OTULIN: variants seen among roughly 807,000 people sequenced by gnomAD.
OTULIN encodes OTU deubiquitinase with linear linkage specificity.
A neutral mutation model predicts 39.6 loss-of-function variants in OTULIN; 15 were observed. The observed-to-expected ratio is 0.38, with a 90% CI of 0.25 to 0.58. The LOEUF (loss-of-function observed/expected upper bound fraction) is 0.58, where lower values mean the gene tolerates loss of function less well. Among genes scored for constraint, OTULIN ranks in the 20% least tolerant of loss-of-function variants. The pLI is 0.66. For missense variants in OTULIN, 319 were observed against 445.9 expected (o/e 0.72, Z 2.56); for synonymous variants, 156 against 170.3 (o/e 0.92, Z 0.65).
intron 1 of OTULIN, among the ~76,000 whole-genome samples, chr5:14,666,978 G>A (rs1735864934): frequency 2.0e-5 from 3 of 152,208 alleles, no homozygotes; most frequent in Admixed American, 2.0e-4. Context: ...TTTAAATAGT[G>A]TAATGTGCAT....
Position 14,684,871 on chromosome 5 carries a change from C to T in OTULIN, c.469-2650C>T, listed in dbSNP as rs75858293. ...AGCTTTGCTGGCCTTGCTCTGTTCC[C>T]TGCCTGTGAGGCAGAGCTTTGTCCT... On this transcript the variant is annotated intron_variant, in intron 4 of 6. Coordinates refer to ENST00000284274, the MANE Select transcript of OTULIN (RefSeq NM_138348.6). 7.9e-5 allele frequency among the ~76,000 whole-genome samples: 12 copies of T among 152,352 alleles called. No homozygotes were observed. In the East Asian group the frequency reaches 2.3e-3, roughly 29 times the overall value.
chr5:14,710,953 G>A, the OTULIN span: 343 of 492,802 alleles, frequency 7.0e-4, 3 homozygotes, highest in African/African-American at 6.0e-3. Flanking sequence ...TGAGGCAGGG[G>A]TATGAAGTCA....
At chr5:14,669,348 A>G (rs1033407218) in intron 1 of OTULIN, among the ~76,000 whole-genome samples, 1 of 150,756 alleles carries the variant, frequency 6.6e-6, no homozygotes, top group Non-Finnish European at 1.5e-5. Flanking sequence ...CTATGCAATA[A>G]GAGCGAAACT....
chr5:14,684,637 T>G (rs1221989893), intron 4 of OTULIN, among the ~76,000 whole-genome samples: 8 of 152,188 alleles, frequency 5.3e-5, no homozygotes, highest in Non-Finnish European at 1.2e-4. Flanking sequence ...GTGACTGAAA[T>G]AAATCAGGGG....
rs567373954 is a variant in OTULIN, at chr5:14,679,942, G to A, written c.324+1167G>A. On this transcript the variant is annotated intron_variant, in intron 3 of 6. Coordinates refer to ENST00000284274, the MANE Select transcript of OTULIN (RefSeq NM_138348.6). ...TCACTTGCAGATTTTCCAACCTCTA[G>A]CCCATCAGGACCCATGGCAGTAATT... Among the ~76,000 whole-genome samples, 10 of 152,216 alleles carry A rather than the reference G, an allele frequency of 6.6e-5. No individual in the cohort carries two copies. In the South Asian group the frequency reaches 1.7e-3, roughly 25 times the overall value.
the OTULIN span, chr5:14,709,218 G>T: frequency 6.6e-6 from 1 of 152,114 alleles, no homozygotes; most frequent in Non-Finnish European, 1.5e-5. Flanking sequence ...GGATCTTTAA[G>T]CTCCAACCCC....
intron 2 of OTULIN, among the ~76,000 whole-genome samples, chr5:14,675,731 T>A (rs1246063264): frequency 6.6e-6 from 1 of 152,238 alleles, no homozygotes; most frequent in Admixed American, 6.5e-5. Flanking sequence ...CCCTTTACAC[T>A]TCTCACATCA....
In OTULIN at chr5:14,693,145, T is replaced by G; in HGVS notation, c.*97T>G. On this transcript the variant is annotated 3_prime_UTR_variant, in exon 7 of 7. Transcript: ENST00000284274. ...TTTGGGGGTCTCTAAGAACAATCTC[T>G]GAGAAGAACCCTTGGGCCCCTGGGA... 14 of 1,219,608 alleles carry G rather than the reference T, an allele frequency of 1.1e-5. No homozygotes were observed. Among genetic ancestry groups the G allele is most frequent in the South Asian group, 4.7e-5 (3 of 64,478 alleles). The allele number at this position is 1,219,608 out of a possible 1,614,324, so 75.5% of individuals were successfully genotyped here. A position where few individuals can be genotyped will look rare whatever the true frequency, so the allele number is the denominator to read the frequency against.
chr5:14,687,389 A>T, intron 4 of OTULIN, 132 bp from the exon 5 acceptor site: 1 of 1,096,384 alleles, frequency 9.1e-7, no homozygotes, highest in Non-Finnish European at 1.3e-6. Flanking sequence ...AGCCCACATC[A>T]CAGATTTGCA....
the OTULIN span, among the ~76,000 whole-genome samples, chr5:14,716,506 A>G: frequency 1.3e-5 from 2 of 152,148 alleles, no homozygotes; most frequent in African/African-American, 4.8e-5. Flanking sequence ...AAATAAATAA[A>G]TAAATAAATA....
At chr5:14,688,697 GAA>G (rs1390884603) in intron 5 of OTULIN, among the ~76,000 whole-genome samples, 1 of 152,162 alleles carries the variant, frequency 6.6e-6, no homozygotes, top group Non-Finnish European at 1.5e-5. Context: ...AGGGAAGAGG[GAA>G]ATTCCATTCT....
At chr5:14,711,236 C>G in the OTULIN span, 1 of 1,614,152 alleles carries the variant, frequency 6.2e-7, no homozygotes, top group Non-Finnish European at 8.5e-7. Flanking sequence ...TGTCTGTCAC[C>G]TCCTCTGTCG....
chr5:14,699,012 G>C lies in OTULIN; in HGVS notation c.*5964G>C, dbSNP rs1171244343. On this transcript the variant is annotated 3_prime_UTR_variant, in exon 7 of 7. Transcript: ENST00000284274. ...CACAGTCTGTCTCAGTGGTGGTGTG[G>C]ATTAAGTGAGGTGCTAGCACTTATT... 6.6e-6 allele frequency: 1 copy of C among 152,178 alleles called. No homozygotes were observed. Among genetic ancestry groups the C allele is most frequent in the African/African-American group, 2.4e-5 (1 of 41,444 alleles). 9.4% of individuals were successfully genotyped at this position (152,178 alleles called of 1,614,324 possible).
the OTULIN span, chr5:14,711,204 T>A: frequency 6.2e-7 from 1 of 1,613,864 alleles, no homozygotes; most frequent in South Asian, 1.1e-5. Flanking sequence ...GCCTTATTCA[T>A]TCTCCTCTCT....
At chr5:14,715,031 A>T in the OTULIN span, among the ~76,000 whole-genome samples, 1 of 152,158 alleles carries the variant, frequency 6.6e-6, no homozygotes, top group Non-Finnish European at 1.5e-5. Flanking sequence ...TCTTCCAGCC[A>T]TTTCTCCATT....
the OTULIN span, among the ~76,000 whole-genome samples, chr5:14,712,209 G>A: frequency 6.6e-6 from 1 of 152,230 alleles, no homozygotes; most frequent in Non-Finnish European, 1.5e-5. Context: ...GTCCTGAGAT[G>A]CACGTCACGC....
intron 1 of OTULIN, among the ~76,000 whole-genome samples, chr5:14,670,026 A>T (rs1314190701): frequency 6.6e-6 from 1 of 152,218 alleles, no homozygotes; most frequent in Non-Finnish European, 1.5e-5. Context: ...CCTTCTATCC[A>T]GCTGTAGTTT....
chr5:14,711,539 C>G, the OTULIN span, among the ~76,000 whole-genome samples: 1 of 152,192 alleles, frequency 6.6e-6, no homozygotes, highest in Non-Finnish European at 1.5e-5. Context: ...GCAGGCACTT[C>G]GGAGGACACC....
rs943608604 is a variant in OTULIN, at chr5:14,692,935, A to G, written c.946A>G (p.Ile316Val). The G allele has an allele frequency of 1.2e-6, 2 of 1,614,210 alleles. No homozygotes were observed. The highest frequency in any genetic ancestry group is 1.3e-5 in the African/African-American group (1 of 75,046). The change falls in exon 7 of 7, where the codon ATC becomes GTC. Residue 316 changes from isoleucine (I) to valine (V), a missense_variant. By Grantham distance (29) the Ile-to-Val change is conservative. This residue lies in a region of OTULIN where 106 missense variants were observed against 192.8 expected (regional missense o/e 0.55). Coordinates refer to ENST00000284274, the MANE Select transcript of OTULIN (RefSeq NM_138348.6). Reference sequence around the variant, plus strand: ...CTCCAAGTACAACACGGAAGAATTCATCACAGTCTACCCCACCGACCCACC... The same window carrying G: ...CTCCAAGTACAACACGGAAGAATTCGTCACAGTCTACCCCACCGACCCACC... ...RLSKYNTEEF[I>V]TVYPTDPPKD...
Sources: allele counts gnomAD v4.1 joint callset (sites outside exome capture counted in the v4.1 genomes callset), GRCh38; gene constraint gnomAD v4.1.1; regional missense constraint gnomAD v4.1.1; transcripts MANE v1.5; gene names NCBI Gene and HGNC (gene_info 2026-07-23, HGNC 2026-07-21).